Variants in MKLN1 observed in about 807,000 individuals in gnomAD.
MKLN1 encodes the protein muskelin.
Under a neutral mutation model 99.0 loss-of-function variants are expected in MKLN1, and 18 were observed. That is an observed-to-expected ratio of 0.18 (90% confidence interval 0.13 to 0.27). MKLN1 has a LOEUF of 0.27. Among genes scored for constraint, MKLN1 ranks in the 10% least tolerant of loss-of-function variants. MKLN1 has a pLI of 1.00. For synonymous variants in MKLN1, 288 were observed against 293.2 expected (o/e 0.98, Z 0.18); for missense variants, 621 against 875.9 (o/e 0.71, Z 3.67).
chr7:131,182,607 T>C (rs1001459080), intron 2 of MKLN1, among the ~76,000 whole-genome samples: 9 of 151,958 alleles, frequency 5.9e-5, no homozygotes, highest in Non-Finnish European at 1.3e-4. Context: ...TCTGTTACTA[T>C]AGAGAGATTG....
chr7:131,277,337 T>C (rs1403759937), intron 3 of MKLN1, among the ~76,000 whole-genome samples: 3 of 151,776 alleles, frequency 2.0e-5, no homozygotes, highest in Non-Finnish European at 2.9e-5. Flanking sequence ...AGGCTGGAGT[T>C]CAATGGCACA....
chr7:131,331,717 G>T (rs919007647), intron 1 of MKLN1, among the ~76,000 whole-genome samples: 23 of 152,110 alleles, frequency 1.5e-4, no homozygotes, highest in African/African-American at 5.6e-4. Flanking sequence ...TATTATACAT[G>T]GCTATTGTAT....
intron 11 of MKLN1, among the ~76,000 whole-genome samples, chr7:131,444,755 AGTAGAAGAAGTAGTAGTAGTAGT>A (rs2116513733): frequency 1.3e-5 from 1 of 79,376 alleles, no homozygotes; most frequent in African/African-American, 5.1e-5. Flanking sequence ...TAGTAGTAGT[AGTAGAAGAAGTAGTAGTAGTAGT>A]AGTAGTAGTA....
intron 1 of MKLN1, among the ~76,000 whole-genome samples, chr7:131,130,978 G>A (rs1761684013): frequency 6.7e-6 from 1 of 148,582 alleles, no homozygotes; most frequent in Non-Finnish European, 1.5e-5. Flanking sequence ...CTTGATTCCA[G>A]GAAGTTGAAG....
chr7:131,369,249 T>G (rs1433993096), intron 1 of MKLN1, among the ~76,000 whole-genome samples: 2 of 152,188 alleles, frequency 1.3e-5, no homozygotes, highest in African/African-American at 4.8e-5. Flanking sequence ...GTGGGATGGA[T>G]TTTGAAATGA....
At chr7:131,417,523 A>G (rs1392416210) in intron 8 of MKLN1, among the ~76,000 whole-genome samples, 1 of 152,236 alleles carries the variant, frequency 6.6e-6, no homozygotes, top group African/African-American at 2.4e-5. Context: ...TGCCACATAT[A>G]GTGTGGAAAC....
chr7:131,494,069 TAGG>T lies in MKLN1; in HGVS notation c.*6346_*6348del, dbSNP rs1204677782. 1.3e-5 allele frequency: 2 copies of T among 152,224 alleles called. No homozygotes were observed. The highest frequency in any genetic ancestry group is 4.8e-5 in the African/African-American group (2 of 41,450). 9.4% of individuals were successfully genotyped at this position (152,224 alleles called of 1,614,324 possible). A position where few individuals can be genotyped will look rare whatever the true frequency, so the allele number is the denominator to read the frequency against. On this transcript the variant is annotated 3_prime_UTR_variant, in exon 18 of 18. Transcript: ENST00000352689. ...GGTTTTATTTTCTAGCCCTTTAACA[TAGG>T]AGGAAAATTGTCATTTCATGTATAA...
intron 12 of MKLN1, among the ~76,000 whole-genome samples, chr7:131,457,796 A>G (rs577891724): frequency 6.6e-6 from 1 of 152,196 alleles, no homozygotes; most frequent in Non-Finnish European, 1.5e-5. Context: ...CATGTCTGTA[A>G]TCCCAGCTAC....
At chr7:131,346,743 G>C (rs1001607835) in intron 1 of MKLN1, among the ~76,000 whole-genome samples, 5 of 152,182 alleles carry the variant, frequency 3.3e-5, no homozygotes, top group Admixed American at 6.5e-5. Flanking sequence ...AAATGCTGAT[G>C]CTCCTAGGTT....
At chr7:131,403,669 A>T (rs1205036882) in intron 6 of MKLN1, among the ~76,000 whole-genome samples, 1 of 152,144 alleles carries the variant, frequency 6.6e-6, no homozygotes, top group Non-Finnish European at 1.5e-5. Flanking sequence ...TAATTTCAGT[A>T]TTGTTGCATC....
At chr7:131,147,555 ACT>A (rs976147928) in intron 2 of MKLN1, among the ~76,000 whole-genome samples, 59 of 151,928 alleles carry the variant, frequency 3.9e-4, no homozygotes, top group African/African-American at 1.4e-3. Context: ...AATATCTGCG[ACT>A]CTGTTCTAAA....
At chr7:131,334,214 G>C (rs751857014) in intron 1 of MKLN1, among the ~76,000 whole-genome samples, 46 of 152,068 alleles carry the variant, frequency 3.0e-4, no homozygotes, top group Non-Finnish European at 5.7e-4. Flanking sequence ...AATTCTGTAG[G>C]CTCCTGCAAC....
intron 1 of MKLN1, among the ~76,000 whole-genome samples, chr7:131,125,949 T>A (rs1795448914): frequency 6.8e-6 from 1 of 148,024 alleles, no homozygotes; most frequent in Non-Finnish European, 1.5e-5. Flanking sequence ...GAGCTTGCAG[T>A]GAGCCGAGAT....
At chr7:131,474,959 A>G (rs371430534) in intron 16 of MKLN1, among the ~76,000 whole-genome samples, 16 of 152,254 alleles carry the variant, frequency 1.1e-4, no homozygotes, top group African/African-American at 3.9e-4. Context: ...GAGAGTGACA[A>G]TGAGGGGGGA....
chr7:131,115,669 C>T (rs1199545319), intron 1 of MKLN1, among the ~76,000 whole-genome samples: 1 of 152,178 alleles, frequency 6.6e-6, no homozygotes, highest in East Asian at 1.9e-4. Context: ...TCTTCAACCT[C>T]ATCTCCCACC....
chr7:131,226,189 G>C (rs1392930987), intron 3 of MKLN1, among the ~76,000 whole-genome samples: 5 of 152,150 alleles, frequency 3.3e-5, no homozygotes, highest in Non-Finnish European at 7.4e-5. Flanking sequence ...GTTGGCATCT[G>C]TCTCCCTGTC....
chr7:131,444,916 A>G (rs1352029701), intron 11 of MKLN1, among the ~76,000 whole-genome samples: 1 of 151,842 alleles, frequency 6.6e-6, no homozygotes, highest in Non-Finnish European at 1.5e-5. Context: ...CCCAAATGCT[A>G]GGACTACAGG....
intron 3 of MKLN1, among the ~76,000 whole-genome samples, chr7:131,235,918 A>C (rs954584226): frequency 6.6e-6 from 1 of 152,214 alleles, no homozygotes; most frequent in Non-Finnish European, 1.5e-5. Flanking sequence ...TCACCTTGGA[A>C]ACCAATGCAT....
At chr7:131,232,825 G>A (rs142188388) in intron 3 of MKLN1, among the ~76,000 whole-genome samples, 1 of 152,118 alleles carries the variant, frequency 6.6e-6, no homozygotes, top group African/African-American at 2.4e-5. Context: ...CAGCCTGGGT[G>A]ACAGAGGGAG....
Sources: allele counts gnomAD v4.1 joint callset (sites outside exome capture counted in the v4.1 genomes callset), GRCh38; gene constraint gnomAD v4.1.1; transcripts MANE v1.5; gene names NCBI Gene and HGNC (gene_info 2026-07-23, HGNC 2026-07-21).